The following CDKL4 variants were observed in gnomAD, a reference collection of about 807,000 sequenced individuals.
The protein encoded by CDKL4 is cyclin dependent kinase like 4.
CDKL4 carries 44 observed loss-of-function variants against 42.0 expected under a neutral mutation model. The ratio of observed to expected loss-of-function variants is 1.05; its 90% CI spans 0.82 to 1.35. The LOEUF (loss-of-function observed/expected upper bound fraction) is 1.35, where lower values mean the gene tolerates loss of function less well. Ranked by LOEUF, CDKL4 falls within the 40% of genes most tolerant of loss-of-function variation. The probability of loss-of-function intolerance (pLI) is 0.00; values close to 1 mark genes in which losing one functional copy is unlikely to be tolerated. For synonymous variants in CDKL4, 120 were observed against 121.6 expected (o/e 0.99, Z 0.09); for missense variants, 393 against 369.9 (o/e 1.06, Z -0.51).
At chr2:39,238,933 G>C (rs1158925611) in intron 1 of CDKL4, among the ~76,000 whole-genome samples, 1 of 152,088 alleles carries the variant, frequency 6.6e-6, no homozygotes, top group East Asian at 1.9e-4. Flanking sequence ...TGTATTTTCA[G>C]TAAAGATGGG....
In CDKL4 at chr2:39,224,059, T is replaced by C. The variant is rs1488995263; in HGVS notation, c.290+1780A>G. Reference sequence around the variant, plus strand: ...TGAATAAATATATTTATTAATTGGATGTTAACCTTTTAAAAAATGTTATTT... The same window carrying C: ...TGAATAAATATATTTATTAATTGGACGTTAACCTTTTAAAAAATGTTATTT... On this transcript the variant is annotated intron_variant, in intron 3 of 9. Coordinates refer to ENST00000451199, the Ensembl canonical transcript of CDKL4. Among the ~76,000 whole-genome samples, 4 of 152,352 alleles carry C rather than the reference T, an allele frequency of 2.6e-5. No homozygotes were observed. The East Asian group carries it at 7.7e-4, about 29-fold the overall frequency.
At chr2:39,178,746 G>A in intron 9 of CDKL4, 1 of 1,604,988 alleles carries the variant, frequency 6.2e-7, no homozygotes, top group Non-Finnish European at 8.5e-7. Context: ...AGGAAAGGCA[G>A]ACTTAGGTGC....
At position 39,224,455 on chromosome 2, in the gene CDKL4, AC is replaced by A. The variant is rs374256749; in HGVS notation, c.290+1383del. Among the ~76,000 whole-genome samples, 204 of 151,072 alleles carry A rather than the reference AC, an allele frequency of 1.4e-3. 1 individual carries two copies. Among genetic ancestry groups the A allele is most frequent in the African/African-American group, 4.7e-3 (194 of 41,080 alleles). The stretch of plus-strand genomic sequence containing the variant: ...AACAACTCTTTATCTTTATTCCTAA[AC>A]TTTTGTTGTTGTTAATATTTGAATG... On this transcript the variant is annotated intron_variant, in intron 3 of 9. Transcript: ENST00000451199.
chr2:39,170,260 G>A, the CDKL4 span, among the ~76,000 whole-genome samples: 1 of 134,316 alleles, frequency 7.4e-6, no homozygotes, highest in South Asian at 2.4e-4. Flanking sequence ...CCTGGAGACT[G>A]AGTGAGACCC....
At chr2:39,185,056 A>G (rs1329080832) in intron 7 of CDKL4, among the ~76,000 whole-genome samples, 1 of 149,224 alleles carries the variant, frequency 6.7e-6, no homozygotes, top group Non-Finnish European at 1.5e-5. Flanking sequence ...TATATTAGTA[A>G]TAACAACACT....
intron 6 of CDKL4, among the ~76,000 whole-genome samples, chr2:39,189,310 A>G (rs1367288098): frequency 6.6e-6 from 1 of 152,244 alleles, no homozygotes; most frequent in African/African-American, 2.4e-5. Context: ...AGCTCACGAA[A>G]GAAACCCTTG....
At chr2:39,241,102 C>T (rs532452716) in intron 1 of CDKL4, among the ~76,000 whole-genome samples, 18 of 152,282 alleles carry the variant, frequency 1.2e-4, no homozygotes, top group South Asian at 4.1e-4. Context: ...ATCTAAATTT[C>T]GACTGCAGAT....
rs1377774871 is a variant in CDKL4, at chr2:39,210,709, C to T, written c.363+2691G>A. ...TATTTTTAGAAATCATTTTAACTAC[C>T]CATAAAACTCCTGCAGCAACTTTGA... is the stretch of plus-strand genomic sequence containing the variant. On this transcript the variant is annotated intron_variant, in intron 4 of 9. Coordinates refer to ENST00000451199, the Ensembl canonical transcript of CDKL4. Among the ~76,000 whole-genome samples, 4 of 152,064 alleles carry T rather than the reference C, an allele frequency of 2.6e-5. No individual in the cohort carries two copies. In the East Asian group the frequency reaches 7.7e-4, roughly 29 times the overall value.
chr2:39,193,057 G>A (rs1386635149), intron 5 of CDKL4, among the ~76,000 whole-genome samples: 3 of 151,300 alleles, frequency 2.0e-5, no homozygotes, highest in Non-Finnish European at 4.4e-5. Context: ...GAGCCTAGGA[G>A]GTTGAGGCTG....
At chr2:39,174,412 A>G (rs2148272749), downstream of CDKL4, among the ~76,000 whole-genome samples, 1 of 149,752 alleles carries the variant, frequency 6.7e-6, no homozygotes, top group South Asian at 2.1e-4. Flanking sequence ...AAAAAAAAAA[A>G]CCCTTCCCGT....
At chr2:39,207,962 C>T (rs1005760461) in intron 4 of CDKL4, among the ~76,000 whole-genome samples, 3 of 151,944 alleles carry the variant, frequency 2.0e-5, no homozygotes, top group Non-Finnish European at 2.9e-5. Flanking sequence ...ATTAGCCAGG[C>T]GTGGTTGTGG....
chr2:39,189,969 G>C (rs2148301626), intron 6 of CDKL4, among the ~76,000 whole-genome samples: 1 of 152,306 alleles, frequency 6.6e-6, no homozygotes, highest in Admixed American at 6.5e-5. Flanking sequence ...AATTGCATTT[G>C]ATCAAATATC....
At chr2:39,190,927 CA>C (rs1676144704) in intron 5 of CDKL4, among the ~76,000 whole-genome samples, 1 of 152,062 alleles carries the variant, frequency 6.6e-6, no homozygotes, top group Non-Finnish European at 1.5e-5. Context: ...AAGGTTTTTG[CA>C]GATGTAATTA....
intron 1 of CDKL4, among the ~76,000 whole-genome samples, chr2:39,230,778 T>A (rs541279873): frequency 6.6e-6 from 1 of 152,224 alleles, no homozygotes; most frequent in Non-Finnish European, 1.5e-5. Flanking sequence ...TTCTATGAAG[T>A]AGGTGTTATT....
intron 3 of CDKL4, among the ~76,000 whole-genome samples, chr2:39,215,923 C>A (rs189477270): frequency 6.6e-6 from 1 of 152,104 alleles, no homozygotes; most frequent in Admixed American, 6.6e-5. Flanking sequence ...TGTCTATTTC[C>A]AGCACTGAAT....
At chr2:39,184,160 G>A (rs1675595230) in intron 8 of CDKL4, among the ~76,000 whole-genome samples, 1 of 152,202 alleles carries the variant, frequency 6.6e-6, no homozygotes, top group Non-Finnish European at 1.5e-5. Flanking sequence ...GATTGTCAAA[G>A]GTAGATACCC....
chr2:39,219,373 G>A (rs1678161539), intron 3 of CDKL4, among the ~76,000 whole-genome samples: 1 of 151,984 alleles, frequency 6.6e-6, no homozygotes, highest in Non-Finnish European at 1.5e-5. Flanking sequence ...CTGGGATGCT[G>A]GCAGATGGCC....
At chr2:39,230,510 A>T (rs1323611941) in intron 1 of CDKL4, among the ~76,000 whole-genome samples, 2 of 152,256 alleles carry the variant, frequency 1.3e-5, no homozygotes, top group Non-Finnish European at 2.9e-5. Flanking sequence ...ATTTCTATGG[A>T]AATACTGGGT....
At chr2:39,218,582 C>T (rs1022080246) in intron 3 of CDKL4, among the ~76,000 whole-genome samples, 7 of 152,086 alleles carry the variant, frequency 4.6e-5, no homozygotes, top group South Asian at 2.1e-4. Context: ...ATCAGTAGAC[C>T]GCGTAAAGAA....
Sources: gnomAD v4.1 joint callset for allele counts (sites outside exome capture counted in the v4.1 genomes callset) on GRCh38, gnomAD v4.1.1 for gene constraint, MANE v1.5 for transcripts, NCBI Gene and HGNC (gene_info 2026-07-23, HGNC 2026-07-21) for gene names.